ZFHX3: variants seen among roughly 807,000 people sequenced by gnomAD.
ZFHX3 encodes the protein zinc finger homeobox 3, also known as zinc finger homeobox protein 3.
ZFHX3 carries 42 observed loss-of-function variants against 279.1 expected under a neutral mutation model. The ratio of observed to expected loss-of-function variants is 0.15; its 90% CI spans 0.12 to 0.19. The LOEUF (loss-of-function observed/expected upper bound fraction) is 0.19, where lower values mean the gene tolerates loss of function less well. ZFHX3 is among the 10% of genes least tolerant of loss of function. The pLI is 1.00. For missense variants in ZFHX3, 4,981 were observed against 4,754.0 expected (o/e 1.05, Z -1.40); for synonymous variants, 2,293 against 1,957.8 (o/e 1.17, Z -4.52).
chr16:73,492,703 C>T (rs1414519936), intron 2 of ZFHX3, among the ~76,000 whole-genome samples: 2 of 152,212 alleles, frequency 1.3e-5, no homozygotes, highest in Non-Finnish European at 1.5e-5. Flanking sequence ...CGCATGGTTG[C>T]TCCATATGTT....
intron 1 of ZFHX3, among the ~76,000 whole-genome samples, chr16:73,725,359 G>C (rs1169377299): frequency 6.6e-6 from 1 of 152,134 alleles, no homozygotes; most frequent in South Asian, 2.1e-4. Flanking sequence ...GACATGTGTC[G>C]GGGCCTGGAG....
At chr16:73,376,467 T>G (rs916623352) in intron 3 of ZFHX3, among the ~76,000 whole-genome samples, 3 of 152,204 alleles carry the variant, frequency 2.0e-5, no homozygotes, top group Admixed American at 6.5e-5. Flanking sequence ...TTGCTGAACT[T>G]TAATTCATTT....
intron 1 of ZFHX3, among the ~76,000 whole-genome samples, chr16:73,784,203 AC>A: frequency 6.6e-6 from 1 of 152,236 alleles, no homozygotes; most frequent in South Asian, 2.1e-4. Context: ...AAATTACTTA[AC>A]CTCTCTGAAC....
intron 1 of ZFHX3, among the ~76,000 whole-genome samples, chr16:73,836,213 T>C (rs1961141361): frequency 6.6e-6 from 1 of 152,198 alleles, no homozygotes; most frequent in African/African-American, 2.4e-5. Flanking sequence ...CCATTCCACA[T>C]TGAACCCAAC....
At chr16:72,988,378 C>G (rs1019253508) in intron 1 of ZFHX3, among the ~76,000 whole-genome samples, 1 of 152,204 alleles carries the variant, frequency 6.6e-6, no homozygotes, top group African/African-American at 2.4e-5. Flanking sequence ...TTAGCTGGTA[C>G]ACGGACCCAA....
At chr16:73,716,795 T>C (rs535404920) in intron 1 of ZFHX3, among the ~76,000 whole-genome samples, 1 of 152,108 alleles carries the variant, frequency 6.6e-6, no homozygotes, top group East Asian at 1.9e-4. Context: ...CAGAAAGCAT[T>C]ATCGATTTTT....
At chr16:73,773,502 G>A (rs2054043377) in intron 1 of ZFHX3, among the ~76,000 whole-genome samples, 1 of 152,200 alleles carries the variant, frequency 6.6e-6, no homozygotes, top group Non-Finnish European at 1.5e-5. Context: ...CAGTGAATAA[G>A]GATCTGTCCA....
chr16:73,656,410 T>C (rs921148035), intron 2 of ZFHX3, among the ~76,000 whole-genome samples: 4 of 152,218 alleles, frequency 2.6e-5, no homozygotes, highest in South Asian at 4.1e-4. Context: ...TAGGGATGCA[T>C]ACATATGTTG....
chr16:73,871,709 T>C (rs918007749), intron 1 of ZFHX3, among the ~76,000 whole-genome samples: 2 of 152,178 alleles, frequency 1.3e-5, no homozygotes, highest in South Asian at 2.1e-4. Context: ...ACAAAGCTTA[T>C]GGCAGTCTCT....
chr16:72,911,702 C>A (rs1016568710), intron 3 of ZFHX3, among the ~76,000 whole-genome samples: 2 of 152,208 alleles, frequency 1.3e-5, no homozygotes, highest in African/African-American at 2.4e-5. Context: ...CCCTCGGTGA[C>A]ACTAGCCACA....
chr16:73,295,661 G>A (rs756046828), intron 4 of ZFHX3, among the ~76,000 whole-genome samples: 3 of 152,214 alleles, frequency 2.0e-5, no homozygotes, highest in African/African-American at 4.8e-5. Context: ...ATGGGAAGCT[G>A]CTGTGAAGCG....
At chr16:73,417,974 G>A (rs981209250) in intron 3 of ZFHX3, among the ~76,000 whole-genome samples, 4 of 121,354 alleles carry the variant, frequency 3.3e-5, no homozygotes, top group African/African-American at 9.6e-5. Flanking sequence ...GGGCAACAGA[G>A]CGAGACTCCA....
At chr16:72,834,217 T>C (rs759783580) in intron 4 of ZFHX3, among the ~76,000 whole-genome samples, 2 of 152,128 alleles carry the variant, frequency 1.3e-5, no homozygotes, top group African/African-American at 4.8e-5. Context: ...CACTGCACTC[T>C]AGCCTGGGCA....
chr16:73,715,007 C>G (rs978564307), intron 1 of ZFHX3, among the ~76,000 whole-genome samples: 1 of 152,216 alleles, frequency 6.6e-6, no homozygotes, highest in African/African-American at 2.4e-5. Context: ...AAAAATGCTT[C>G]CTTTTTCTCT....
intron 3 of ZFHX3, among the ~76,000 whole-genome samples, chr16:73,398,365 T>A (rs190769498): frequency 1.3e-5 from 2 of 152,148 alleles, no homozygotes; most frequent in Non-Finnish European, 2.9e-5. Context: ...CTCACCAGTG[T>A]CTAGGATAAA....
At chr16:73,017,662 C>T (rs867475546) in intron 1 of ZFHX3, among the ~76,000 whole-genome samples, 1 of 152,124 alleles carries the variant, frequency 6.6e-6, no homozygotes, top group African/African-American at 2.4e-5. Context: ...CCACATAGTC[C>T]TCCACCAAGA....
chr16:73,225,584 T>C lies in ZFHX3; in HGVS notation c.-1104+31463A>G, dbSNP rs965124080. On this transcript the variant is annotated intron_variant, in intron 5 of 17. Transcript: ENST00000641206. Reference sequence around the variant, plus strand: ...CAGCTTGGGTGATGGAGCAAGACCCTGTCTCAAAATAAAAAATAAAAAAAT... The same window carrying C: ...CAGCTTGGGTGATGGAGCAAGACCCCGTCTCAAAATAAAAAATAAAAAAAT... 5.3e-5 allele frequency among the ~76,000 whole-genome samples: 8 copies of C among 152,176 alleles called. 1 individual carries two copies. Among genetic ancestry groups the C allele is most frequent in the Admixed American group, 5.2e-4 (8 of 15,280 alleles).
chr16:73,333,697 C>G (rs1033363566), intron 3 of ZFHX3, among the ~76,000 whole-genome samples: 33 of 146,054 alleles, frequency 2.3e-4, no homozygotes, highest in Admixed American at 3.6e-4. Flanking sequence ...AGCAAAAGAA[C>G]TGGAAAAGGA....
intron 2 of ZFHX3, among the ~76,000 whole-genome samples, chr16:73,565,383 G>A (rs1186361541): frequency 6.6e-6 from 1 of 152,124 alleles, no homozygotes; most frequent in Non-Finnish European, 1.5e-5. Context: ...AGAAAACCCC[G>A]ATGAATTCTT....
Sources: gnomAD v4.1 joint callset for allele counts (sites outside exome capture counted in the v4.1 genomes callset) on GRCh38, gnomAD v4.1.1 for gene constraint, MANE v1.5 for transcripts, NCBI Gene and HGNC (gene_info 2026-07-23, HGNC 2026-07-21) for gene names.